ITIH1: variants seen among roughly 807,000 people sequenced by gnomAD.
ITIH1 encodes inter-alpha-trypsin inhibitor heavy chain 1.
ITIH1 carries 94 observed loss-of-function variants against 104.6 expected under a neutral mutation model. The ratio of observed to expected loss-of-function variants is 0.90; its 90% CI spans 0.76 to 1.07. The LOEUF (loss-of-function observed/expected upper bound fraction) is 1.07, where lower values mean the gene tolerates loss of function less well. ITIH1 is among the 50% of genes least tolerant of loss of function. The pLI is 0.00. For synonymous variants in ITIH1, 455 were observed against 464.4 expected, an observed-to-expected ratio of 0.98 and a Z score of 0.26; for missense variants, 1,193 against 1,181.4, an observed-to-expected ratio of 1.01 and a Z score of -0.14.
rs369626395 is a variant in ITIH1 at position 52,784,331 on chromosome 3, C to T, written c.1261C>T (p.Arg421Cys). 1.2e-4 allele frequency: 187 copies of T among 1,613,936 alleles called. No homozygotes were observed. The highest frequency in any genetic ancestry group is 1.4e-4 in the Non-Finnish European group (169 of 1,179,966). Residue 421 changes from arginine (R) to cysteine (C), a missense_variant, in exon 11 of 22, where the codon CGC (arginine) becomes TGC (cysteine). Transcript: ENST00000273283. ...CCGTTCCCAAATCCTCAAGAACGTC[C>T]GCAACGCCATCCGGGGCAGGTTCCC... ...TDRSQILKNVRNAIRGRFPLY... is the reference protein window; with the variant it reads ...TDRSQILKNVCNAIRGRFPLY...
rs1045437236 is a variant in ITIH1, at chr3:52,778,601, G to A, written c.305+95G>A. On this transcript the variant is annotated intron_variant, in intron 3 of 21. Transcript: ENST00000273283. ...GATCGGAGTGGCCAGATAACGCAGA[G>A]CATCTCCTCATTCTAGAAGGGCCAC... The A allele has an allele frequency of 7.0e-6, 11 of 1,562,358 alleles. 1 individual carries two copies. In the African/African-American group the frequency reaches 1.4e-4, roughly 19 times the overall value.
chr3:52,788,139 T>C (rs758945197), intron 17 of ITIH1, 73 bp downstream of exon 17: 16 of 1,522,656 alleles, frequency 1.1e-5, no homozygotes, highest in Non-Finnish European at 1.4e-5. Flanking sequence ...TCTCTCTCTG[T>C]CTCTCTCTGG....
intron 12 of ITIH1, among the ~76,000 whole-genome samples, chr3:52,786,039 C>T (rs1699187211): frequency 6.6e-6 from 1 of 152,178 alleles, no homozygotes; most frequent in Non-Finnish European, 1.5e-5. Flanking sequence ...TTATTGGCCT[C>T]CCCTAGAGAA....
Position 52,789,753 on chromosome 3 carries a change from G to A in ITIH1, c.2220G>A (p.Thr740=), listed in dbSNP as rs972021409. ...GGCTGGGAATCGCAAACCCTGCCAC[G>A]GACTTTCAGTTGGAAGTGACTCCTC... ...FGRLGIANPA[T]DFQLEVTPQN... is the part of the protein sequence containing the mutation. The change falls in exon 19 of 22, where the codon ACG becomes ACA. Residue 740 remains threonine, a synonymous_variant. Transcript: ENST00000273283. 3.2e-5 allele frequency: 52 copies of A among 1,614,118 alleles called. No homozygotes were observed. Among genetic ancestry groups the A allele is most frequent in the Non-Finnish European group, 3.6e-5 (42 of 1,180,052 alleles).
At position 52,779,754 on chromosome 3, in the gene ITIH1, G is replaced by C; in HGVS notation, c.573+160G>C. On this transcript the variant is annotated intron_variant, in intron 5 of 21. Transcript: ENST00000273283. The surrounding 1 kb of genome is among the most constrained non-coding windows in gnomAD (Gnocchi z 4.4). ...GCTCTGATGTGCTCTTCTTGGGCAGGGAACTCCCTGAATTCTCTAACTTCC... is the reference window on the plus strand; with the variant it reads ...GCTCTGATGTGCTCTTCTTGGGCAGCGAACTCCCTGAATTCTCTAACTTCC... The C allele has an allele frequency of 9.6e-7, 1 of 1,041,906 alleles. No homozygotes were observed. The highest frequency in any genetic ancestry group is 1.4e-6 in the Non-Finnish European group (1 of 707,350). 64.5% of individuals were successfully genotyped at this position (1,041,906 alleles called of 1,614,324 possible).
rs1174501479 is a variant in ITIH1, at chr3:52,788,355, G to C, written c.2119+10G>C. On this transcript the variant is annotated intron_variant, in intron 18 of 21. Transcript: ENST00000273283. ...CAGGACCCCAACACAGGTATGGCGG[G>C]CATCACACCTCTGCCAGACAGGGCC... The C allele has an allele frequency of 8.5e-6, 13 of 1,527,166 alleles. No homozygotes were observed. The highest frequency in any genetic ancestry group is 1.1e-5 in the Non-Finnish European group (12 of 1,111,354). The allele number at this position is 1,527,166 out of a possible 1,614,324, so 94.6% of individuals were successfully genotyped here. A position where few individuals can be genotyped will look rare whatever the true frequency, so the allele number is the denominator to read the frequency against.
chr3:52,778,054 G>A, intron 2 of ITIH1, 37 bp downstream of exon 2: 1 of 1,611,628 alleles, frequency 6.2e-7, no homozygotes, highest in Non-Finnish European at 8.5e-7. Flanking sequence ...CTGTGACAGA[G>A]CCCTTTTTAC....
Position 52,784,348 on chromosome 3 carries a change from C to T in ITIH1, c.1278C>T (p.Gly426=), listed in dbSNP as rs1292116579. ...AGAACGTCCGCAACGCCATCCGGGG[C>T]AGGTTCCCGCTCTACAACCTGGGTT... ...ILKNVRNAIR[G]RFPLYNLGFG... is the part of the protein sequence containing the mutation. The change falls in exon 11 of 22, where the codon GGC becomes GGT. Residue 426 remains glycine (G), a synonymous_variant. Coordinates refer to ENST00000273283, the MANE Select transcript of ITIH1 (RefSeq NM_002215.4). 2 of 1,614,064 alleles carry T rather than the reference C, an allele frequency of 1.2e-6. No homozygotes were observed. Among genetic ancestry groups the T allele is most frequent in the Non-Finnish European group, 1.7e-6 (2 of 1,180,010 alleles).
intron 8 of ITIH1, among the ~76,000 whole-genome samples, chr3:52,782,618 C>T (rs918696383): frequency 1.1e-4 from 16 of 152,144 alleles, no homozygotes; most frequent in Non-Finnish European, 1.6e-4. Context: ...AATAGCTCTC[C>T]GCCCACAGGG....
Position 52,778,346 on chromosome 3 carries a change from G to A in ITIH1, c.145G>A (p.Asp49Asn), listed in dbSNP as rs754020258. Residue 49 changes from aspartate (D) to asparagine (N), a missense_variant, in exon 3 of 22, where the codon GAT becomes AAT. By Grantham distance (23) the Asp-to-Asn change is conservative. Coordinates refer to ENST00000273283, the MANE Select transcript of ITIH1 (RefSeq NM_002215.4). ...CCTTCATGTCTCACTTTAGGCTGTCGATGGCGTGTTCATCCGGAGTTTGAA... is the reference window on the plus strand; with the variant it reads ...CCTTCATGTCTCACTTTAGGCTGTCAATGGCGTGTTCATCCGGAGTTTGAA... ...EKRQAVDTAV[D>N]GVFIRSLKVN... 6.2e-6 allele frequency: 10 copies of A among 1,614,182 alleles called. 1 individual carries two copies. In the East Asian group the frequency reaches 1.6e-4, roughly 25 times the overall value.
Position 52,790,759 on chromosome 3 carries a change from A to G in ITIH1, c.2332A>G (p.Thr778Ala). The change falls in exon 20 of 22, where the codon ACC becomes GCC. Residue 778 changes from threonine (T) to alanine (A), a missense_variant. By Grantham distance (58) the Thr-to-Ala change is moderately conservative. Coordinates refer to ENST00000273283, the MANE Select transcript of ITIH1 (RefSeq NM_002215.4). ...AVLRQDGVVV[T>A]INKKRNLVVS... ...CACCTGGCTCTGCAGGGTGGTGGTG[A>G]CCATCAACAAGAAGAGGAACCTGGT... The G allele has an allele frequency of 6.2e-7, 1 of 1,612,344 alleles. No individual in the cohort carries two copies. The highest frequency in any genetic ancestry group is 8.5e-7 in the Non-Finnish European group (1 of 1,179,312).
At chr3:52,786,848 G>GAATA in intron 13 of ITIH1, 97 bp from the exon 14 acceptor site, 2 of 1,334,424 alleles carry the variant, frequency 1.5e-6, no homozygotes, top group Non-Finnish European at 2.1e-6. Context: ...TCGAATGAAT[G>GAATA]AATGAATGAA....
Position 52,791,504 on chromosome 3 carries a change from T to C in ITIH1, c.2495-13T>C, listed in dbSNP as rs1269643457. 1.9e-6 allele frequency: 3 copies of C among 1,606,678 alleles called. No individual in the cohort carries two copies. Among genetic ancestry groups the C allele is most frequent in the Admixed American group, 3.3e-5 (2 of 59,998 alleles). On this transcript the variant is annotated splice_polypyrimidine_tract_variant and intron_variant, in intron 20 of 21. Transcript: ENST00000273283. ...CCGAGATGGTAACCGCTGTCTCCAA[T>C]GTGCCTTTCTAGGGCAATTTTTCCA...
chr3:52,782,246 G>A lies in ITIH1; in HGVS notation c.909G>A (p.Met303Ile). 1.2e-6 allele frequency: 2 copies of A among 1,614,074 alleles called. No individual in the cohort carries two copies. The highest frequency in any genetic ancestry group is 1.7e-6 in the Non-Finnish European group (2 of 1,179,942). Reference protein sequence around the residue: ...VVFVIDISGSMRGQKVKQTKE... With the variant: ...VVFVIDISGSIRGQKVKQTKE... The stretch of plus-strand genomic sequence containing the variant: ...TTGTGATTGACATCAGTGGCTCCAT[G>A]AGAGGCCAGAAAGTGAAGCAGGTAG... Residue 303 changes from methionine to isoleucine, a missense_variant, in exon 8 of 22, where the codon ATG becomes ATA. Physicochemically the swap from Met to Ile is conservative, Grantham distance 10. Coordinates refer to ENST00000273283, the MANE Select transcript of ITIH1 (RefSeq NM_002215.4).
At chr3:52,780,505 G>A (rs1559460836) in intron 6 of ITIH1, 123 bp downstream of exon 6, 11 of 651,324 alleles carry the variant, frequency 1.7e-5, no homozygotes, top group Non-Finnish European at 2.7e-5. Flanking sequence ...CCCTCAGGAT[G>A]AGAGAAGCTG....
rs1482844450 is a variant in ITIH1, at chr3:52,786,353, T to C, written c.1652T>C (p.Leu551Pro). ...GATGAGGAGGAGATGAAGAAACTGC[T>C]CCGAGAGCGTGGCCACATGCTGGAG... ...LVDEEEMKKL[L>P]RERGHMLENH... The change falls in exon 13 of 22, where the codon CTC becomes CCC. Residue 551 changes from leucine (L) to proline (P), a missense_variant. Physicochemically the swap from Leu to Pro is moderately conservative, Grantham distance 98. Transcript: ENST00000273283. 3.8e-6 allele frequency: 6 copies of C among 1,576,348 alleles called. No individual in the cohort carries two copies. The highest frequency in any genetic ancestry group is 5.2e-6 in the Non-Finnish European group (6 of 1,160,258).
rs1330233027 is a variant in ITIH1, at chr3:52,781,331, C to CTTT, written c.688-607_688-606insTTT. Among the ~76,000 whole-genome samples, 2 of 149,188 alleles carry CTTT rather than the reference C, an allele frequency of 1.3e-5. 1 individual carries two copies. The highest frequency in any genetic ancestry group is 3.0e-5 in the Non-Finnish European group (2 of 67,552). On this transcript the variant is annotated intron_variant, in intron 6 of 21. Transcript: ENST00000273283. ...TCTTCTTCTCCTTCTCCTTCTTCTT[C>CTTT]TTCTATCTTCTCTTCTTCTTCCTCT...
intron 20 of ITIH1, 144 bp from the exon 21 acceptor site, chr3:52,791,373 A>T: frequency 3.2e-6 from 2 of 619,484 alleles, no homozygotes; most frequent in South Asian, 3.9e-5. Context: ...GTAGCTTTTC[A>T]TGCTGGGACT....
At position 52,783,306 on chromosome 3, in the gene ITIH1, C is replaced by T. The variant is rs1699111228; in HGVS notation, c.1192C>T (p.Leu398Phe). The change falls in exon 10 of 22, where the codon CTC becomes TTC. Residue 398 changes from leucine (L) to phenylalanine (F), a missense_variant. Physicochemically the swap from Leu to Phe is conservative, Grantham distance 22. Coordinates refer to ENST00000273283, the MANE Select transcript of ITIH1 (RefSeq NM_002215.4). ...AGAACTCAGCAACCATGCCTCAATACTCATCATGTTGACAGATGGCGATCC... is the reference window on the plus strand; with the variant it reads ...AGAACTCAGCAACCATGCCTCAATATTCATCATGTTGACAGATGGCGATCC... ...LPELSNHASI[L>F]IMLTDGDPTE... 1.2e-6 allele frequency: 2 copies of T among 1,613,996 alleles called. No homozygotes were observed. Among genetic ancestry groups the T allele is most frequent in the South Asian group, 1.1e-5 (1 of 91,076 alleles).
Sources: gnomAD v4.1 joint callset for allele counts (sites outside exome capture counted in the v4.1 genomes callset) on GRCh38, gnomAD v4.1.1 for gene constraint, Gnocchi (gnomAD v3.1) non-coding constraint, MANE v1.5 for transcripts, NCBI Gene and HGNC (gene_info 2026-07-23, HGNC 2026-07-21) for gene names.